The following SHB variants were observed in gnomAD, a reference collection of about 807,000 sequenced individuals.
The protein encoded by SHB is SH2 domain-containing adapter protein B.
In SHB, 20 loss-of-function variants were observed where a neutral mutation model predicts 52.3. That is an observed-to-expected ratio of 0.38 (90% CI 0.27 to 0.56). The LOEUF is 0.56. Among genes scored for constraint, SHB ranks in the 20% least tolerant of loss-of-function variants. The probability of loss-of-function intolerance (pLI) is 0.71; values close to 1 mark genes in which losing one functional copy is unlikely to be tolerated. For missense variants in SHB, 825 were observed against 723.3 expected, an observed-to-expected ratio of 1.14 and a Z score of -1.61; for synonymous variants, 397 against 316.5, an observed-to-expected ratio of 1.25 and a Z score of -2.70.
At chr9:38,009,280 C>A (rs1587241858) in intron 2 of SHB, among the ~76,000 whole-genome samples, 1 of 152,188 alleles carries the variant, frequency 6.6e-6, no homozygotes, top group African/African-American at 2.4e-5. Flanking sequence ...GGGGCTGAGG[C>A]TGATGCCACA....
intron 1 of SHB, among the ~76,000 whole-genome samples, chr9:38,026,609 C>T (rs889092305): frequency 5.3e-5 from 8 of 152,220 alleles, no homozygotes; most frequent in African/African-American, 9.6e-5. Context: ...AATTACATTC[C>T]GCTTAACACC....
At chr9:37,962,299 G>A (rs1832700332) in intron 3 of SHB, among the ~76,000 whole-genome samples, 1 of 152,078 alleles carries the variant, frequency 6.6e-6, no homozygotes, top group Non-Finnish European at 1.5e-5. Context: ...AGAAGATAGG[G>A]CATTTCATTC....
At chr9:38,054,242 T>C (rs999774505) in intron 1 of SHB, among the ~76,000 whole-genome samples, 3 of 152,218 alleles carry the variant, frequency 2.0e-5, no homozygotes, top group African/African-American at 7.2e-5. Flanking sequence ...GCTCCTGTGG[T>C]GTATGACCTT....
intron 2 of SHB, among the ~76,000 whole-genome samples, chr9:38,010,769 G>A (rs1037388194): frequency 1.3e-5 from 2 of 152,218 alleles, no homozygotes; most frequent in African/African-American, 4.8e-5. Flanking sequence ...GTTATTTGGT[G>A]TAGTCTCCAA....
At chr9:37,980,105 C>G (rs180922019) in intron 2 of SHB, among the ~76,000 whole-genome samples, 2 of 152,238 alleles carry the variant, frequency 1.3e-5, no homozygotes, top group East Asian at 3.9e-4. Context: ...TGCCCCTCCC[C>G]CCAGCTGTGG....
In SHB at chr9:37,918,245, A is replaced by G. The variant is rs1215728448; in HGVS notation, c.*1576T>C. Among the ~76,000 whole-genome samples, 2 of 152,232 alleles carry G rather than the reference A, an allele frequency of 1.3e-5. No homozygotes were observed. Among genetic ancestry groups the G allele is most frequent in the African/African-American group, 4.8e-5 (2 of 41,466 alleles). On this transcript the variant is annotated 3_prime_UTR_variant, in exon 6 of 6. Transcript: ENST00000377707. Reference sequence around the variant, plus strand: ...GTATCTCATTCAGGAGAGGGCAGCCACATCTTCATGCTACTGGGTGGGTGG... The same window carrying G: ...GTATCTCATTCAGGAGAGGGCAGCCGCATCTTCATGCTACTGGGTGGGTGG...
At chr9:37,926,435 G>A (rs970265427) in intron 5 of SHB, among the ~76,000 whole-genome samples, 1 of 152,224 alleles carries the variant, frequency 6.6e-6, no homozygotes, top group Non-Finnish European at 1.5e-5. Flanking sequence ...CTGTGGCCAT[G>A]CTGCCAAGAG....
intron 1 of SHB, among the ~76,000 whole-genome samples, chr9:38,041,028 G>C (rs1821568587): frequency 6.6e-6 from 1 of 152,040 alleles, no homozygotes; most frequent in South Asian, 2.1e-4. Flanking sequence ...GACTCAAGCA[G>C]AGAAGGTCTG....
chr9:37,925,736 T>C (rs1330464441), intron 5 of SHB, among the ~76,000 whole-genome samples: 1 of 152,228 alleles, frequency 6.6e-6, no homozygotes, highest in African/African-American at 2.4e-5. Context: ...TATTTTCCAT[T>C]ACCCCAAAGA....
At chr9:37,939,555 T>C (rs952140254) in intron 5 of SHB, among the ~76,000 whole-genome samples, 1 of 152,150 alleles carries the variant, frequency 6.6e-6, no homozygotes, top group African/African-American at 2.4e-5. Context: ...TTTCTCCATG[T>C]CACCACTGCC....
intron 4 of SHB, among the ~76,000 whole-genome samples, chr9:37,953,101 G>A (rs1308878050): frequency 6.6e-6 from 1 of 151,984 alleles, no homozygotes; most frequent in East Asian, 1.9e-4. Context: ...GAGGCAGGAG[G>A]AGCACCAGGC....
At chr9:38,017,254 C>T (rs1026165185) in intron 1 of SHB, among the ~76,000 whole-genome samples, 1 of 152,340 alleles carries the variant, frequency 6.6e-6, no homozygotes, top group Middle Eastern at 3.4e-3. Context: ...GCCAGTGCCA[C>T]CCGGCTGCTT....
intron 5 of SHB, among the ~76,000 whole-genome samples, chr9:37,937,499 G>A (rs1456060598): frequency 3.3e-5 from 5 of 151,902 alleles, no homozygotes; most frequent in Non-Finnish European, 5.9e-5. Context: ...TATTAAAAGT[G>A]GCAAACACTC....
intron 2 of SHB, among the ~76,000 whole-genome samples, chr9:38,000,130 C>G (rs1820993723): frequency 6.6e-6 from 1 of 152,202 alleles, no homozygotes; most frequent in African/African-American, 2.4e-5. Context: ...GGATGTCCAT[C>G]CCTCCCACAG....
intron 2 of SHB, among the ~76,000 whole-genome samples, chr9:37,989,308 G>A (rs556673420): frequency 9.8e-4 from 149 of 152,224 alleles, no homozygotes; most frequent in African/African-American, 3.3e-3. Context: ...GGATCCGTCT[G>A]CCCCTTCTCC....
At chr9:38,065,054 G>A (rs1328874543) in intron 1 of SHB, among the ~76,000 whole-genome samples, 1 of 152,194 alleles carries the variant, frequency 6.6e-6, no homozygotes, top group Non-Finnish European at 1.5e-5. Flanking sequence ...GGTTGAGGCT[G>A]CAGTGAGCCA....
intron 2 of SHB, among the ~76,000 whole-genome samples, chr9:37,982,290 C>T (rs1457377381): frequency 1.3e-5 from 2 of 151,320 alleles, no homozygotes; most frequent in African/African-American, 2.4e-5. Flanking sequence ...GACAGGAGTT[C>T]GAGACCAGCC....
At chr9:37,935,340 T>C (rs1175530512) in intron 5 of SHB, among the ~76,000 whole-genome samples, 3 of 152,172 alleles carry the variant, frequency 2.0e-5, no homozygotes, top group African/African-American at 7.2e-5. Context: ...TGCAAATGCA[T>C]TTCTCCCTGC....
chr9:37,952,513 G>C (rs757753494), intron 4 of SHB, among the ~76,000 whole-genome samples: 5 of 152,180 alleles, frequency 3.3e-5, no homozygotes, highest in Non-Finnish European at 7.3e-5. Flanking sequence ...AGCAATAAGA[G>C]TTTTAAGAGA....
Sources: allele counts gnomAD v4.1 joint callset (sites outside exome capture counted in the v4.1 genomes callset), GRCh38; gene constraint gnomAD v4.1.1; transcripts MANE v1.5; gene names NCBI Gene and HGNC (gene_info 2026-07-23, HGNC 2026-07-21).